The following STXBP5L variants were observed in gnomAD, a reference collection of about 807,000 sequenced individuals.
STXBP5L encodes the protein syntaxin binding protein 5L.
A neutral mutation model predicts 144.5 loss-of-function variants in STXBP5L; 65 were observed. The observed-to-expected ratio is 0.45, with a 90% CI of 0.37 to 0.55. The LOEUF is 0.55. Among genes scored for constraint, STXBP5L ranks in the 20% least tolerant of loss-of-function variants. STXBP5L has a pLI of 0.00. For missense variants in STXBP5L, 1,298 were observed against 1,405.5 expected (o/e 0.92, Z 1.22); for synonymous variants, 505 against 469.6 (o/e 1.08, Z -0.97).
intron 20 of STXBP5L, among the ~76,000 whole-genome samples, chr3:121,333,111 A>G (rs896257551): frequency 6.6e-6 from 1 of 152,178 alleles, no homozygotes; most frequent in Non-Finnish European, 1.5e-5. Context: ...AAAGGTCAAT[A>G]TGCACCAGAA....
intron 9 of STXBP5L, among the ~76,000 whole-genome samples, chr3:121,174,210 G>C (rs1559824293): frequency 6.6e-6 from 1 of 151,996 alleles, no homozygotes; most frequent in Non-Finnish European, 1.5e-5. Context: ...GACTGCAAAT[G>C]GCACCTGTAC....
chr3:121,045,983 A>T (rs1368026645), intron 5 of STXBP5L, among the ~76,000 whole-genome samples: 1 of 152,126 alleles, frequency 6.6e-6, no homozygotes, highest in African/African-American at 2.4e-5. Flanking sequence ...CCCATTCAGT[A>T]TGATGTTGGC....
At chr3:121,150,486 C>G in intron 7 of STXBP5L, among the ~76,000 whole-genome samples, 1 of 151,860 alleles carries the variant, frequency 6.6e-6, no homozygotes, top group Non-Finnish European at 1.5e-5. Flanking sequence ...ATCATGTTTT[C>G]TAAATCATAA....
intron 18 of STXBP5L, among the ~76,000 whole-genome samples, chr3:121,272,146 C>T (rs1270723090): frequency 6.6e-6 from 1 of 152,172 alleles, no homozygotes; most frequent in Non-Finnish European, 1.5e-5. Context: ...TCCATCTGCA[C>T]TAACATATAG....
At chr3:121,037,497 C>T (rs1022669001) in intron 3 of STXBP5L, among the ~76,000 whole-genome samples, 1 of 152,000 alleles carries the variant, frequency 6.6e-6, no homozygotes, top group African/African-American at 2.4e-5. Context: ...CTCAAATGAT[C>T]CTCCTGCCTT....
At chr3:121,165,198 TA>T (rs1335117306) in intron 9 of STXBP5L, among the ~76,000 whole-genome samples, 12 of 152,176 alleles carry the variant, frequency 7.9e-5, no homozygotes, top group Non-Finnish European at 5.9e-5. Flanking sequence ...TAGGTAAGGT[TA>T]AAAAAAGTGT....
chr3:120,911,039 A>T (rs552162632), intron 2 of STXBP5L, among the ~76,000 whole-genome samples: 1 of 152,236 alleles, frequency 6.6e-6, no homozygotes, highest in East Asian at 1.9e-4. Context: ...TTATGCCCTG[A>T]TTCTCTAATC....
chr3:121,236,517 G>A (rs1480453986), intron 12 of STXBP5L, among the ~76,000 whole-genome samples: 1 of 151,036 alleles, frequency 6.6e-6, no homozygotes, highest in East Asian at 1.9e-4. Context: ...AAGAAGGCAA[G>A]AGAGAGAGGG....
intron 3 of STXBP5L, among the ~76,000 whole-genome samples, chr3:121,021,343 G>A (rs1945536653): frequency 6.6e-6 from 1 of 152,126 alleles, no homozygotes; most frequent in Non-Finnish European, 1.5e-5. Context: ...TCTACTGATA[G>A]TACTAGACAG....
At chr3:121,367,247 G>T (rs1184061473) in intron 20 of STXBP5L, among the ~76,000 whole-genome samples, 1 of 151,942 alleles carries the variant, frequency 6.6e-6, no homozygotes, top group East Asian at 1.9e-4. Context: ...CCTTCATATG[G>T]CTTTGAGTTA....
At chr3:121,074,577 G>T (rs190190549) in intron 5 of STXBP5L, among the ~76,000 whole-genome samples, 106 of 152,216 alleles carry the variant, frequency 7.0e-4, no homozygotes, top group African/African-American at 2.5e-3. Context: ...GGCTAGCCTG[G>T]GGGACTGTCT....
intron 5 of STXBP5L, among the ~76,000 whole-genome samples, chr3:121,107,468 A>T (rs1339651601): frequency 6.6e-6 from 1 of 152,214 alleles, no homozygotes; most frequent in East Asian, 1.9e-4. Context: ...TATATTAAAT[A>T]GGGAATCCTT....
intron 19 of STXBP5L, among the ~76,000 whole-genome samples, chr3:121,303,430 G>A (rs1295402823): frequency 6.6e-6 from 1 of 152,064 alleles, no homozygotes; most frequent in Non-Finnish European, 1.5e-5. Context: ...AGTGTTGGTG[G>A]GACTGTAAAC....
At chr3:121,338,938 C>T (rs1436000929) in intron 20 of STXBP5L, among the ~76,000 whole-genome samples, 2 of 152,056 alleles carry the variant, frequency 1.3e-5, no homozygotes, top group African/African-American at 4.8e-5. Flanking sequence ...AGCCAAGGGC[C>T]ATACAAATTC....
chr3:121,086,332 C>T (rs2042491658), intron 5 of STXBP5L, among the ~76,000 whole-genome samples: 1 of 151,966 alleles, frequency 6.6e-6, no homozygotes, highest in Non-Finnish European at 1.5e-5. Context: ...TACAATAAGG[C>T]ATGATATTAT....
Position 121,266,365 on chromosome 3 carries a change from C to A in STXBP5L, c.1958+7197C>A, listed in dbSNP as rs986179798. 5.3e-5 allele frequency among the ~76,000 whole-genome samples: 8 copies of A among 151,932 alleles called. 1 individual carries two copies. The highest frequency in any genetic ancestry group is 1.3e-4 in the Admixed American group (2 of 15,242). On this transcript the variant is annotated intron_variant, in intron 18 of 26. Transcript: ENST00000471454. ...ACGTAATCCATCACATAAACAGAAC[C>A]AATGACAACCACTTGATTATCTCAA...
At chr3:120,927,740 A>C (rs1022303635) in intron 2 of STXBP5L, among the ~76,000 whole-genome samples, 1 of 152,004 alleles carries the variant, frequency 6.6e-6, no homozygotes, top group East Asian at 1.9e-4. Flanking sequence ...GTTTTGGGGT[A>C]TTTCTGGTAA....
At chr3:121,307,905 GC>G (rs1437505865) in intron 19 of STXBP5L, among the ~76,000 whole-genome samples, 3 of 151,596 alleles carry the variant, frequency 2.0e-5, no homozygotes, top group Non-Finnish European at 4.4e-5. Flanking sequence ...ACGCTACAAG[GC>G]AAAAAACAAA....
At chr3:121,302,414 T>A (rs988364847) in intron 19 of STXBP5L, among the ~76,000 whole-genome samples, 1 of 152,188 alleles carries the variant, frequency 6.6e-6, no homozygotes, top group Non-Finnish European at 1.5e-5. Flanking sequence ...TTTTATTGTG[T>A]CTATTTGATT....
Sources: gnomAD v4.1 joint callset for allele counts (sites outside exome capture counted in the v4.1 genomes callset) on GRCh38, gnomAD v4.1.1 for gene constraint, MANE v1.5 for transcripts, NCBI Gene and HGNC (gene_info 2026-07-23, HGNC 2026-07-21) for gene names.